NEK3: variants seen among roughly 807,000 people sequenced by gnomAD.
NEK3 encodes serine/threonine-protein kinase Nek3.
NEK3 carries 54 observed loss-of-function variants against 66.0 expected under a neutral mutation model. That is an observed-to-expected ratio of 0.82 (90% CI 0.66 to 1.03). The LOEUF (loss-of-function observed/expected upper bound fraction) is 1.03. Among genes scored for constraint, NEK3 ranks in the 50% least tolerant of loss-of-function variants. The pLI is 0.00. For missense variants in NEK3, 593 were observed against 603.0 expected (o/e 0.98, Z 0.17); for synonymous variants, 200 against 206.2 (o/e 0.97, Z 0.26).
In NEK3 at chr13:52,133,204, T is replaced by A. The variant is rs779498540; in HGVS notation, c.1459A>T (p.Asn487Tyr). ...TTCAGCTCTGACACCCAGTCGGGGTTGTCATCTTCCTCCTCAAAGTCCCTG... is the reference window on the plus strand; with the variant it reads ...TTCAGCTCTGACACCCAGTCGGGGTAGTCATCTTCCTCCTCAAAGTCCCTG... Reference protein sequence around the residue: ...EDTDFEEEDDNPDWVSELKKR... With the variant: ...EDTDFEEEDDYPDWVSELKKR... Residue 487 changes from asparagine to tyrosine, a missense_variant, in exon 16 of 16, where the codon AAC becomes TAC. Physicochemically the swap from Asn to Tyr is moderately radical, Grantham distance 143 (BLOSUM62 -2). Transcript: ENST00000610828. The A allele has an allele frequency of 1.2e-6, 2 of 1,609,156 alleles. No individual in the cohort carries two copies. The highest frequency in any genetic ancestry group is 2.7e-5 in the African/African-American group (2 of 74,974).
At chr13:52,148,380 C>A (rs764862526) in intron 8 of NEK3, 35 bp downstream of exon 8, 1 of 1,601,738 alleles carries the variant, frequency 6.2e-7, no homozygotes, top group South Asian at 1.1e-5. Context: ...CTAGATATGA[C>A]AAGCTGCCTT....
intron 14 of NEK3, 100 bp downstream of exon 14, chr13:52,135,629 C>T (rs979887216): frequency 1.9e-6 from 2 of 1,054,372 alleles, no homozygotes; most frequent in South Asian, 3.6e-5. Context: ...CTGAACTGTA[C>T]ACCTTAAAAT....
chr13:52,149,442 G>A (rs922318795), intron 7 of NEK3, among the ~76,000 whole-genome samples: 6 of 152,028 alleles, frequency 3.9e-5, no homozygotes, highest in African/African-American at 1.2e-4. Flanking sequence ...CTATTTCCCC[G>A]TTTAGTTTTT....
At chr13:52,157,949 C>T (rs907581035) in intron 1 of NEK3, among the ~76,000 whole-genome samples, 1 of 152,242 alleles carries the variant, frequency 6.6e-6, no homozygotes, top group Admixed American at 6.5e-5. Context: ...GCGATCTCGG[C>T]TCACCGCAAC....
intron 7 of NEK3, among the ~76,000 whole-genome samples, chr13:52,150,050 A>C (rs377008342): frequency 6.6e-6 from 1 of 152,226 alleles, no homozygotes; most frequent in East Asian, 1.9e-4. Flanking sequence ...AATTTCCCCA[A>C]TTGTCCCAAT....
chr13:52,148,575 G>A lies in NEK3; in HGVS notation c.549-106C>T. 4.1e-6 allele frequency: 4 copies of A among 972,250 alleles called. No individual in the cohort carries two copies. In the South Asian group the frequency reaches 5.8e-5, roughly 14 times the overall value. 60.2% of individuals were successfully genotyped at this position (972,250 alleles called of 1,614,324 possible). A position where few individuals can be genotyped will look rare whatever the true frequency, so the allele number is the denominator to read the frequency against. On this transcript the variant is annotated intron_variant, in intron 7 of 15. Transcript: ENST00000610828. ...GAATAGATATCACAAGTAATTCCTA[G>A]GTATTAAAACATATAATGTTGGTCT... is the stretch of plus-strand genomic sequence containing the variant.
intron 2 of NEK3, 61 bp downstream of exon 2, chr13:52,156,014 T>A: frequency 8.5e-7 from 1 of 1,175,112 alleles, no homozygotes; most frequent in South Asian, 1.5e-5. Context: ...GGCCAAAAAC[T>A]TATTCTTTTA....
At chr13:52,149,234 G>T (rs28393037) in intron 7 of NEK3, among the ~76,000 whole-genome samples, 111 of 151,082 alleles carry the variant, frequency 7.3e-4, no homozygotes, top group Non-Finnish European at 1.1e-3. Context: ...GGGTCTCACT[G>T]TGTTGCCTAG....
chr13:52,136,708 AC>A, intron 12 of NEK3, 91 bp downstream of exon 12: 1 of 674,398 alleles, frequency 1.5e-6, no homozygotes, highest in Admixed American at 3.1e-5. Context: ...ATCAGCTTGT[AC>A]TCTTGTTTAT....
In NEK3 at chr13:52,157,940, C is replaced by T. The variant is rs553204918; in HGVS notation, c.-58+1603G>A. The stretch of plus-strand genomic sequence containing the variant: ...TTGCCCAGGCTGGAGTGCAATGGTG[C>T]GATCTCGGCTCACCGCAACCTCCAC... On this transcript the variant is annotated intron_variant, in intron 1 of 15. Transcript: ENST00000610828. 6.6e-5 allele frequency among the ~76,000 whole-genome samples: 10 copies of T among 152,314 alleles called. No individual in the cohort carries two copies. The East Asian group carries it at 1.9e-3, about 29-fold the overall frequency.
chr13:52,148,486 G>A lies in NEK3; in HGVS notation c.549-17C>T, dbSNP rs766906334. The A allele has an allele frequency of 5.0e-6, 8 of 1,611,604 alleles. No homozygotes were observed. The East Asian group carries it at 1.6e-4, about 31-fold the overall frequency. On this transcript the variant is annotated splice_polypyrimidine_tract_variant and intron_variant, in intron 7 of 15. Transcript: ENST00000610828. ...CAGATGTCACTGAAAGCATAAAGAA[G>A]CAATGTAATCACAAGCAGGTTACGT...
chr13:52,155,383 A>C (rs1213635699), intron 2 of NEK3, among the ~76,000 whole-genome samples: 1 of 152,230 alleles, frequency 6.6e-6, no homozygotes, highest in Non-Finnish European at 1.5e-5. Flanking sequence ...CTGGTACCAA[A>C]GGTTAGCATT....
chr13:52,135,364 G>C (rs145307684), intron 14 of NEK3, among the ~76,000 whole-genome samples: 1 of 152,096 alleles, frequency 6.6e-6, no homozygotes, highest in Non-Finnish European at 1.5e-5. Flanking sequence ...GTAGTAGCAG[G>C]ATTATGAAAA....
intron 1 of NEK3, among the ~76,000 whole-genome samples, chr13:52,158,337 T>G (rs1366142237): frequency 2.6e-5 from 4 of 152,204 alleles, no homozygotes; most frequent in Non-Finnish European, 5.9e-5. Context: ...TAGAAATAAT[T>G]TCTTCATATA....
In NEK3 at chr13:52,144,730, G is replaced by A. The variant is rs1956279990; in HGVS notation, c.765C>T (p.Gly255=). 6.2e-7 allele frequency: 1 copy of A among 1,613,902 alleles called. No individual in the cohort carries two copies. Among genetic ancestry groups the A allele is most frequent in the Non-Finnish European group, 8.5e-7 (1 of 1,179,872 alleles). Residue 255 remains glycine (G), a synonymous_variant, in exon 9 of 16, where the codon GGC becomes GGT. Transcript: ENST00000610828. Reference sequence around the variant, plus strand: ...ACTTCTGGACAAGCCGAGCTACGATGCCTCGAGAGAGAAGCGTTGTAGCCG... The same window carrying A: ...ACTTCTGGACAAGCCGAGCTACGATACCTCGAGAGAGAAGCGTTGTAGCCG... ...RPSATTLLSR[G]IVARLVQKCL...
chr13:52,149,207 C>CG (rs1956319014), intron 7 of NEK3, among the ~76,000 whole-genome samples: 1 of 151,268 alleles, frequency 6.6e-6, no homozygotes, highest in East Asian at 2.0e-4. Flanking sequence ...CCCACCTTTT[C>CG]TTTTTTTTAA....
chr13:52,155,905 A>G (rs1956391326), intron 2 of NEK3, among the ~76,000 whole-genome samples, 170 bp downstream of exon 2: 1 of 151,492 alleles, frequency 6.6e-6, no homozygotes, highest in South Asian at 2.1e-4. Flanking sequence ...CTGGCCTCAA[A>G]CTCCTGACCT....
chr13:52,139,641 G>A (rs893170457), intron 11 of NEK3, among the ~76,000 whole-genome samples: 1 of 152,200 alleles, frequency 6.6e-6, no homozygotes, highest in Non-Finnish European at 1.5e-5. Context: ...GCTCATGCCT[G>A]TAATCCTAGC....
chr13:52,135,552 A>C (rs1207960728), intron 14 of NEK3, among the ~76,000 whole-genome samples, 177 bp downstream of exon 14: 1 of 152,208 alleles, frequency 6.6e-6, no homozygotes, highest in Non-Finnish European at 1.5e-5. Context: ...GAGTTTTGGA[A>C]GATGAGAACA....
Sources: allele counts gnomAD v4.1 joint callset (sites outside exome capture counted in the v4.1 genomes callset), GRCh38; gene constraint gnomAD v4.1.1; transcripts MANE v1.5; gene names NCBI Gene and HGNC (gene_info 2026-07-23, HGNC 2026-07-21).